KIAA1217: variants seen among roughly 807,000 people sequenced by gnomAD.
The protein encoded by KIAA1217 is KIAA1217, also known as sickle tail protein homolog.
A neutral mutation model predicts 163.9 loss-of-function variants in KIAA1217; 88 were observed. The observed-to-expected ratio is 0.54, with a 90% CI of 0.45 to 0.64. The LOEUF is 0.64. Ranked by LOEUF, KIAA1217 falls within the 30% of genes least tolerant of loss-of-function variation. The pLI is 0.00. For missense variants in KIAA1217, 2,372 were observed against 2,475.0 expected, an observed-to-expected ratio of 0.96 and a Z score of 0.88; for synonymous variants, 903 against 923.1, an observed-to-expected ratio of 0.98 and a Z score of 0.39.
chr10:24,433,784 G>A (rs2059792614), intron 4 of KIAA1217, among the ~76,000 whole-genome samples: 1 of 152,140 alleles, frequency 6.6e-6, no homozygotes, highest in Non-Finnish European at 1.5e-5. Flanking sequence ...TAACAAGTTA[G>A]AATAAAAGCA....
chr10:23,814,926 G>T (rs145068639), intron 1 of KIAA1217, among the ~76,000 whole-genome samples: 1 of 152,142 alleles, frequency 6.6e-6, no homozygotes, highest in Non-Finnish European at 1.5e-5. Flanking sequence ...CTGCAAAAAG[G>T]TATCAATTAA....
At chr10:24,278,087 T>G (rs2077506966) in intron 2 of KIAA1217, among the ~76,000 whole-genome samples, 1 of 152,196 alleles carries the variant, frequency 6.6e-6, no homozygotes, top group South Asian at 2.1e-4. Flanking sequence ...ACGCCACCTC[T>G]TAGGCTGTGT....
intron 2 of KIAA1217, among the ~76,000 whole-genome samples, chr10:24,360,107 C>T (rs971773022): frequency 1.6e-5 from 2 of 128,552 alleles, no homozygotes; most frequent in African/African-American, 6.0e-5. Context: ...AGTACAGTGG[C>T]ACAATCTGGG....
chr10:24,523,245 G>T (rs183502815), intron 12 of KIAA1217, among the ~76,000 whole-genome samples: 9 of 150,476 alleles, frequency 6.0e-5, no homozygotes, highest in African/African-American at 2.2e-4. Context: ...TCTCTTGAAC[G>T]TAAGAGTTTG....
chr10:24,227,715 G>T (rs532748890), intron 2 of KIAA1217, among the ~76,000 whole-genome samples: 84 of 151,674 alleles, frequency 5.5e-4, no homozygotes, highest in Non-Finnish European at 9.9e-4. Context: ...TGTATTTTTA[G>T]TAGAGACGGG....
At chr10:24,171,259 C>T (rs2065615332) in intron 2 of KIAA1217, among the ~76,000 whole-genome samples, 1 of 152,102 alleles carries the variant, frequency 6.6e-6, no homozygotes, top group Admixed American at 6.6e-5. Context: ...ATTTATAACA[C>T]CAAAATACAT....
At chr10:24,097,972 C>T (rs2062229048) in intron 2 of KIAA1217, among the ~76,000 whole-genome samples, 1 of 152,028 alleles carries the variant, frequency 6.6e-6, no homozygotes, top group African/African-American at 2.4e-5. Context: ...TCTCTGTGTT[C>T]CAGGGGCAAC....
chr10:24,473,385 C>A lies in KIAA1217; in HGVS notation c.1004C>A (p.Thr335Asn), dbSNP rs762976882. The change falls in exon 6 of 21, where the codon ACC (threonine) becomes AAC (asparagine). Residue 335 changes from threonine to asparagine, a missense_variant. Physicochemically the swap from Thr to Asn is moderately conservative, Grantham distance 65. This residue lies in a region of KIAA1217 where 1,431 missense variants were observed against 1,470.3 expected (regional missense o/e 0.97). Transcript: ENST00000376454. ...CCGTCCAGAATTCCTTATGGGGGCA[C>A]CCGCTCCATGGTTGTTCCTGGCAAT... ...PSPSRIPYGG[T>N]RSMVVPGNAT... The A allele has an allele frequency of 6.2e-7, 1 of 1,612,698 alleles. No individual in the cohort carries two copies. Among genetic ancestry groups the A allele is most frequent in the African/African-American group, 1.3e-5 (1 of 74,854 alleles).
Position 24,473,477 on chromosome 10 carries a change from G to A in KIAA1217, c.1096G>A (p.Ala366Thr), listed in dbSNP as rs774456939. The stretch of plus-strand genomic sequence containing the variant: ...CAGACCCATCTCTCCAAGCCCAAGC[G>A]CCATTTTAGAAAGAAGAGATGTCAA... ...VSRPISPSPS[A>T]ILERRDVKPD... The change falls in exon 6 of 21, where the codon GCC becomes ACC. Residue 366 changes from alanine (A) to threonine (T), a missense_variant. Ala to Thr is a moderately conservative substitution (Grantham distance 58). This residue lies in a region of KIAA1217 where 1,431 missense variants were observed against 1,470.3 expected (regional missense o/e 0.97). Transcript: ENST00000376454. The A allele has an allele frequency of 2.0e-5, 32 of 1,613,998 alleles. No homozygotes were observed. The highest frequency in any genetic ancestry group is 3.3e-4 in the Middle Eastern group (2 of 6,084).
At chr10:24,177,630 T>C (rs2065974418) in intron 2 of KIAA1217, among the ~76,000 whole-genome samples, 1 of 151,890 alleles carries the variant, frequency 6.6e-6, no homozygotes, top group African/African-American at 2.4e-5. Context: ...TTTACTAATG[T>C]CTACAAAGAT....
At chr10:24,073,058 T>TG (rs1286021067) in intron 2 of KIAA1217, among the ~76,000 whole-genome samples, 3 of 143,768 alleles carry the variant, frequency 2.1e-5, no homozygotes, top group African/African-American at 7.9e-5. Flanking sequence ...GACTCTGTCT[T>TG]GAAAAAAAAA....
In KIAA1217 at chr10:24,433,189, G is replaced by T; in HGVS notation, c.748G>T (p.Val250Leu). The T allele has an allele frequency of 6.2e-7, 1 of 1,610,574 alleles. No individual in the cohort carries two copies. Residue 250 changes from valine (V) to leucine (L), a missense_variant, in exon 4 of 21, where the codon GTA becomes TTA. Coordinates refer to ENST00000376454, the MANE Select transcript of KIAA1217 (RefSeq NM_019590.5). ...SRNVYYELND[V>L]RNIQDRSLLK... Reference sequence around the variant, plus strand: ...AAATGTCTATTATGAATTAAATGATGTAAGGTAAGTTGTGACATCATTTTT... The same window carrying T: ...AAATGTCTATTATGAATTAAATGATTTAAGGTAAGTTGTGACATCATTTTT...
chr10:23,785,655 C>T (rs1301641333), intron 1 of KIAA1217, among the ~76,000 whole-genome samples: 2 of 152,174 alleles, frequency 1.3e-5, no homozygotes, highest in Non-Finnish European at 2.9e-5. Context: ...AAGACCTTAG[C>T]TTCCTCATGA....
intron 2 of KIAA1217, among the ~76,000 whole-genome samples, chr10:24,322,732 G>C (rs972267750): frequency 6.6e-6 from 1 of 152,198 alleles, no homozygotes; most frequent in East Asian, 1.9e-4. Flanking sequence ...TCTATTCTGC[G>C]TCTCACCTTG....
At chr10:23,701,389 A>C (rs1459679516) in intron 1 of KIAA1217, among the ~76,000 whole-genome samples, 2 of 152,164 alleles carry the variant, frequency 1.3e-5, no homozygotes, top group Admixed American at 6.5e-5. Flanking sequence ...TGTGCCTTTC[A>C]TCCTCAGGGT....
chr10:23,877,737 T>C (rs1481801880), intron 1 of KIAA1217, among the ~76,000 whole-genome samples: 2 of 152,002 alleles, frequency 1.3e-5, no homozygotes, highest in East Asian at 1.9e-4. Flanking sequence ...TAGCTACCAA[T>C]TGACACTTGA....
chr10:24,514,564 A>T (rs2069738065), intron 10 of KIAA1217, among the ~76,000 whole-genome samples: 1 of 152,224 alleles, frequency 6.6e-6, no homozygotes, highest in African/African-American at 2.4e-5. Context: ...AATTCTACTT[A>T]GTTCACACAT....
chr10:23,749,804 G>A (rs540106197), intron 1 of KIAA1217, among the ~76,000 whole-genome samples: 13 of 152,270 alleles, frequency 8.5e-5, no homozygotes, highest in African/African-American at 2.6e-4. Flanking sequence ...TCCAAATTTA[G>A]AGATGCCTCA....
intron 1 of KIAA1217, among the ~76,000 whole-genome samples, chr10:24,209,480 G>C (rs2067797789): frequency 6.6e-6 from 1 of 152,160 alleles, no homozygotes; most frequent in Non-Finnish European, 1.5e-5. Context: ...AGCAGCAAAA[G>C]AGGTGGTGGG....
Sources: allele counts gnomAD v4.1 joint callset (sites outside exome capture counted in the v4.1 genomes callset), GRCh38; gene constraint gnomAD v4.1.1; regional missense constraint gnomAD v4.1.1; transcripts MANE v1.5; gene names NCBI Gene and HGNC (gene_info 2026-07-23, HGNC 2026-07-21).